The following CNTN5 variants were observed in gnomAD, a reference collection of about 807,000 sequenced individuals.
CNTN5 encodes contactin 5, also known as contactin-5.
CNTN5 carries 77 observed loss-of-function variants against 129.1 expected under a neutral mutation model. The observed-to-expected ratio is 0.60, with a 90% confidence interval of 0.50 to 0.72. The LOEUF is 0.72. Among genes scored for constraint, CNTN5 ranks in the 30% least tolerant of loss-of-function variants. CNTN5 has a pLI of 0.00. For missense variants in CNTN5, 1,478 were observed against 1,328.8 expected, an observed-to-expected ratio of 1.11 and a Z score of -1.75; for synonymous variants, 509 against 465.6, an observed-to-expected ratio of 1.09 and a Z score of -1.20.
At chr11:99,684,763 C>A (rs1041398638) in intron 3 of CNTN5, among the ~76,000 whole-genome samples, 1 of 151,552 alleles carries the variant, frequency 6.6e-6, no homozygotes, top group Non-Finnish European at 1.5e-5. Flanking sequence ...TATTAATATC[C>A]TTTCCTGTTA....
intron 3 of CNTN5, among the ~76,000 whole-genome samples, chr11:99,609,172 C>T (rs1365281542): frequency 1.3e-5 from 2 of 152,094 alleles, no homozygotes; most frequent in South Asian, 2.1e-4. Flanking sequence ...TGTTCTCTTG[C>T]CTTGTGCTTA....
chr11:99,846,181 G>C (rs1947690999), intron 6 of CNTN5, among the ~76,000 whole-genome samples: 1 of 140,328 alleles, frequency 7.1e-6, no homozygotes, highest in South Asian at 2.3e-4. Flanking sequence ...CATTTCTAAA[G>C]TAGATAATAC....
chr11:99,802,580 A>C (rs1044651862), intron 3 of CNTN5, among the ~76,000 whole-genome samples: 2 of 151,856 alleles, frequency 1.3e-5, no homozygotes, highest in African/African-American at 4.8e-5. Context: ...GGAAACCTAA[A>C]CTCCTAATCT....
intron 8 of CNTN5, among the ~76,000 whole-genome samples, chr11:99,969,869 T>C (rs189852625): frequency 2.3e-4 from 35 of 152,296 alleles, no homozygotes; most frequent in African/African-American, 7.5e-4. Context: ...TTCTTAAATG[T>C]AGGTGTTCTT....
chr11:99,834,497 C>A (rs901525958), intron 4 of CNTN5, among the ~76,000 whole-genome samples: 2 of 152,086 alleles, frequency 1.3e-5, no homozygotes, highest in African/African-American at 4.8e-5. Context: ...GCCTGGATGA[C>A]GGAGCAAGAC....
intron 2 of CNTN5, among the ~76,000 whole-genome samples, chr11:99,547,544 A>T (rs533590891): frequency 2.7e-4 from 41 of 152,306 alleles, no homozygotes; most frequent in African/African-American, 9.4e-4. Context: ...GAGGTTGTAA[A>T]GATTTAAGAT....
Position 99,861,482 on chromosome 11 carries a change from G to A in CNTN5, c.577+16220G>A, listed in dbSNP as rs114892554. Among the ~76,000 whole-genome samples the A allele has an allele frequency of 3.6e-3, 546 of 152,250 alleles. 3 individuals carry two copies. Among genetic ancestry groups the A allele is most frequent in the African/African-American group, 0.013 (522 of 41,550 alleles). ...AGAGAAGATGCATGCCAACTTTCAT[G>A]CATGACTTTCATTTGAATTTTTTTT... On this transcript the variant is annotated intron_variant, in intron 6 of 24. Transcript: ENST00000524871.
At chr11:100,333,501 A>G (rs916720203) in intron 21 of CNTN5, among the ~76,000 whole-genome samples, 1 of 151,992 alleles carries the variant, frequency 6.6e-6, no homozygotes, top group Non-Finnish European at 1.5e-5. Context: ...ACAAGAACAA[A>G]TCTGGAGGCA....
chr11:100,307,934 TA>T (rs1321114976), intron 20 of CNTN5, among the ~76,000 whole-genome samples: 2 of 151,616 alleles, frequency 1.3e-5, no homozygotes, highest in African/African-American at 4.8e-5. Flanking sequence ...AACTAGGGCT[TA>T]GAAAGAGATA....
At chr11:99,242,706 G>T (rs1405406058) in intron 1 of CNTN5, among the ~76,000 whole-genome samples, 1 of 151,982 alleles carries the variant, frequency 6.6e-6, no homozygotes, top group Non-Finnish European at 1.5e-5. Context: ...TGAATGTTTA[G>T]CTCCAGCTTC....
chr11:99,241,630 A>G (rs1161502594), intron 1 of CNTN5, among the ~76,000 whole-genome samples: 1 of 152,036 alleles, frequency 6.6e-6, no homozygotes, highest in Non-Finnish European at 1.5e-5. Context: ...TCCGTTTTTA[A>G]AATCAGTTTT....
chr11:99,219,828 C>T (rs923394589), intron 1 of CNTN5, among the ~76,000 whole-genome samples: 2 of 151,828 alleles, frequency 1.3e-5, no homozygotes, highest in African/African-American at 4.8e-5. Flanking sequence ...CGGCAGGAAT[C>T]GAGATGAGAG....
chr11:99,581,790 C>G (rs1163498917), intron 3 of CNTN5, among the ~76,000 whole-genome samples: 4 of 152,198 alleles, frequency 2.6e-5, no homozygotes, highest in African/African-American at 9.7e-5. Context: ...ATTTTCCAGT[C>G]TGTGCCTTTT....
intron 3 of CNTN5, among the ~76,000 whole-genome samples, chr11:99,651,022 T>G (rs911971210): frequency 1.3e-5 from 2 of 151,994 alleles, no homozygotes; most frequent in Admixed American, 6.6e-5. Context: ...GTCTCATCGT[T>G]TCTAATTTAT....
chr11:99,733,894 C>T (rs1252432943), intron 3 of CNTN5, among the ~76,000 whole-genome samples: 1 of 152,160 alleles, frequency 6.6e-6, no homozygotes, highest in African/African-American at 2.4e-5. Flanking sequence ...TCCAGTTTTC[C>T]TAAGAGAGCC....
chr11:99,909,488 G>A (rs1049234057), intron 6 of CNTN5, among the ~76,000 whole-genome samples: 1 of 151,972 alleles, frequency 6.6e-6, no homozygotes, highest in African/African-American at 2.4e-5. Context: ...TATAAAACAT[G>A]CTGCTCTAAA....
intron 7 of CNTN5, among the ~76,000 whole-genome samples, chr11:99,925,994 C>A (rs552334026): frequency 6.6e-6 from 1 of 152,130 alleles, no homozygotes; most frequent in African/African-American, 2.4e-5. Flanking sequence ...ATTGGTCTGT[C>A]TGTTAAATTA....
chr11:99,950,884 TGAGAA>T (rs143858457), intron 7 of CNTN5, among the ~76,000 whole-genome samples: 58 of 152,088 alleles, frequency 3.8e-4, no homozygotes, highest in African/African-American at 1.4e-3. Flanking sequence ...AGGCTTAGAG[TGAGAA>T]GAGAAGTTTT....
chr11:99,479,664 ATCT>A (rs777870006), intron 2 of CNTN5, among the ~76,000 whole-genome samples: 2 of 152,108 alleles, frequency 1.3e-5, no homozygotes, highest in Non-Finnish European at 2.9e-5. Flanking sequence ...ATGTTTTGAA[ATCT>A]TCTCTTAAAG....
Sources: gnomAD v4.1 joint callset for allele counts (sites outside exome capture counted in the v4.1 genomes callset) on GRCh38, gnomAD v4.1.1 for gene constraint, MANE v1.5 for transcripts, NCBI Gene and HGNC (gene_info 2026-07-23, HGNC 2026-07-21) for gene names.